The following MPZL3 variants were observed in gnomAD, a reference collection of about 807,000 sequenced individuals.
MPZL3 encodes the protein myelin protein zero like 3.
In MPZL3, 23 loss-of-function variants were observed where a neutral mutation model predicts 24.8. The observed-to-expected ratio is 0.93, with a 90% CI of 0.67 to 1.31. The LOEUF (loss-of-function observed/expected upper bound fraction) is 1.31, where lower values mean the gene tolerates loss of function less well. Among genes scored for constraint, MPZL3 ranks in the 40% most tolerant of loss-of-function variants. MPZL3 has a pLI of 0.00. For synonymous variants in MPZL3, 99 were observed against 106.5 expected, an observed-to-expected ratio of 0.93 and a Z score of 0.44; for missense variants, 277 against 294.9, an observed-to-expected ratio of 0.94 and a Z score of 0.44.
At chr11:118,232,461 G>A (rs991860525) in intron 5 of MPZL3, among the ~76,000 whole-genome samples, 1 of 151,690 alleles carries the variant, frequency 6.6e-6, no homozygotes, top group Non-Finnish European at 1.5e-5. Flanking sequence ...AAGTTTTCCA[G>A]GCAAAGAACA....
In MPZL3 at chr11:118,240,326, C is replaced by A. The variant is rs144095475; in HGVS notation, c.125G>T (p.Gly42Val). 2 of 1,608,496 alleles carry A rather than the reference C, an allele frequency of 1.2e-6. No individual in the cohort carries two copies. Among genetic ancestry groups the A allele is most frequent in the Non-Finnish European group, 8.5e-7 (1 of 1,178,204 alleles). ...LEIRADAHVRGYVGEKIKLKC... is the reference protein window; with the variant it reads ...LEIRADAHVRVYVGEKIKLKC... Reference sequence around the variant, plus strand: ...CAACTTGATCTTTTCTCCAACATAACCTCGGACATGGGCATCTGCACGAAT... The same window carrying A: ...CAACTTGATCTTTTCTCCAACATAAACTCGGACATGGGCATCTGCACGAAT... The change falls in exon 2 of 6, where the codon GGT (glycine) becomes GTT (valine). Residue 42 changes from glycine to valine, a missense_variant. Transcript: ENST00000278949.
rs1211288640 is a variant in MPZL3 at position 118,228,017 on chromosome 11, A to G, written c.*1877T>C. 2.0e-5 allele frequency: 3 copies of G among 152,174 alleles called. No individual in the cohort carries two copies. Among genetic ancestry groups the G allele is most frequent in the African/African-American group, 7.2e-5 (3 of 41,428 alleles). The allele number at this position is 152,174 out of a possible 1,614,324, so 9.4% of individuals were successfully genotyped here. A position where few individuals can be genotyped will look rare whatever the true frequency, so the allele number is the denominator to read the frequency against. ...TTGGCCTCAGACAACCACAAAAGTT[A>G]ACAAGCAGTCCCAAAGTACCGTGAG... On this transcript the variant is annotated 3_prime_UTR_variant, in exon 6 of 6. Coordinates refer to ENST00000278949, the MANE Select transcript of MPZL3 (RefSeq NM_198275.3).
chr11:118,243,771 CAAA>C (rs1226572066), intron 1 of MPZL3, among the ~76,000 whole-genome samples: 1 of 116,842 alleles, frequency 8.6e-6, no homozygotes, highest in African/African-American at 3.2e-5. Flanking sequence ...GACTCTGTCT[CAAA>C]AAAAAAAAAA....
intron 2 of MPZL3, 92 bp from the exon 3 acceptor site, chr11:118,237,352 T>G: frequency 1.7e-6 from 2 of 1,154,016 alleles, no homozygotes; most frequent in East Asian, 2.4e-5. Context: ...TACAACTGTA[T>G]AATGGTGTGT....
At chr11:118,235,329 C>A (rs568701564) in intron 4 of MPZL3, 95 bp downstream of exon 4, 1 of 1,414,202 alleles carries the variant, frequency 7.1e-7, no homozygotes, top group South Asian at 1.5e-5. Flanking sequence ...CAGAACTAAA[C>A]TCGGTCCAGA....
At chr11:118,252,184 C>A in intron 1 of MPZL3, 38 bp downstream of exon 1, 1 of 1,610,206 alleles carries the variant, frequency 6.2e-7, no homozygotes, top group South Asian at 1.1e-5. Context: ...CCCTAACCCC[C>A]CGGCCGGAAG....
intron 4 of MPZL3, 139 bp downstream of exon 4, chr11:118,235,285 C>T: frequency 9.4e-7 from 1 of 1,064,092 alleles, no homozygotes; most frequent in Non-Finnish European, 1.3e-6. Flanking sequence ...CGCCCCTTAG[C>T]AGAACTATTC....
rs1183875738 is a variant in MPZL3, at chr11:118,235,522, C to G, written c.519G>C (p.Val173=). 1.2e-6 allele frequency: 2 copies of G among 1,613,976 alleles called. No homozygotes were observed. The highest frequency in any genetic ancestry group is 1.1e-5 in the South Asian group (1 of 91,064). Residue 173 remains valine (V), a synonymous_variant, in exon 4 of 6, where the codon GTG becomes GTC. Coordinates refer to ENST00000278949, the MANE Select transcript of MPZL3 (RefSeq NM_198275.3). The part of the protein sequence containing the change: ...SILVFVPSAV[V]VALLLVRMGR... ...CCATTCTCACCAGCAGCAGAGCAAC[C>G]ACCACGGCTGAGGGCACAAAGACAA... is the stretch of plus-strand genomic sequence containing the variant.
intron 5 of MPZL3, among the ~76,000 whole-genome samples, chr11:118,232,372 A>C (rs996216759): frequency 1.3e-4 from 20 of 151,394 alleles, no homozygotes; most frequent in Admixed American, 1.3e-3. Flanking sequence ...GTACCATCTC[A>C]TATACTATAT....
chr11:118,244,847 C>A (rs911634667), intron 1 of MPZL3, among the ~76,000 whole-genome samples: 6 of 152,120 alleles, frequency 3.9e-5, no homozygotes, highest in African/African-American at 1.4e-4. Flanking sequence ...GAGGCCGAGG[C>A]GGGTGGATCA....
chr11:118,242,699 C>T (rs1169125868), intron 1 of MPZL3, among the ~76,000 whole-genome samples: 1 of 152,246 alleles, frequency 6.6e-6, no homozygotes, highest in Non-Finnish European at 1.5e-5. Flanking sequence ...CATTCACACA[C>T]CTTCAAATTC....
rs749664619 is a variant in MPZL3, at chr11:118,237,312, A to G, written c.241-52T>C. ...AGGTTAACTTGGAAAATGCAATGAAAATATAAAGCTCAGTAGGTCCAAAAT... is the reference window on the plus strand; with the variant it reads ...AGGTTAACTTGGAAAATGCAATGAAGATATAAAGCTCAGTAGGTCCAAAAT... On this transcript the variant is annotated intron_variant, in intron 2 of 5. Transcript: ENST00000278949. The G allele has an allele frequency of 1.1e-5, 17 of 1,524,660 alleles. No individual in the cohort carries two copies. In the South Asian group the frequency reaches 1.9e-4, roughly 17 times the overall value. The allele number at this position is 1,524,660 out of a possible 1,614,324, so 94.4% of individuals were successfully genotyped here.
chr11:118,250,619 C>T (rs1949609111), intron 1 of MPZL3, among the ~76,000 whole-genome samples: 1 of 152,006 alleles, frequency 6.6e-6, no homozygotes, highest in Non-Finnish European at 1.5e-5. Flanking sequence ...TCTCTCTTGT[C>T]GCCCAGGCTA....
intron 1 of MPZL3, among the ~76,000 whole-genome samples, chr11:118,246,213 A>T (rs1949554713): frequency 6.6e-6 from 1 of 152,218 alleles, no homozygotes; most frequent in Non-Finnish European, 1.5e-5. Context: ...GTCATTCAAC[A>T]TGTTTTCCTT....
chr11:118,241,773 G>A (rs756898640), intron 1 of MPZL3, among the ~76,000 whole-genome samples: 102 of 152,248 alleles, frequency 6.7e-4, no homozygotes, highest in Non-Finnish European at 1.4e-3. Flanking sequence ...AATCCAGTCT[G>A]TTGACATTCC....
rs531086297 is a variant in MPZL3, at chr11:118,230,167, C to T, written c.682-247G>A. Among the ~76,000 whole-genome samples the T allele has an allele frequency of 7.9e-5, 12 of 152,206 alleles. No homozygotes were observed. The East Asian group carries it at 1.2e-3, about 15-fold the overall frequency. On this transcript the variant is annotated intron_variant, in intron 5 of 5. Coordinates refer to ENST00000278949, the MANE Select transcript of MPZL3 (RefSeq NM_198275.3). ...TCCCTTGGTGAATATTTTTTAGAAC[C>T]TCAACACACAAGAAAAGATGCCCGC...
chr11:118,237,043 A>G lies in MPZL3; in HGVS notation c.451+7T>C, dbSNP rs1170878566. On this transcript the variant is annotated splice_region_variant and intron_variant, in intron 3 of 5. Transcript: ENST00000278949. ...CTGCAGAAGAAGGTTGGTGGCAATGAGCTTACCCCTTTCTGTGACTGTTAG... is the reference window on the plus strand; with the variant it reads ...CTGCAGAAGAAGGTTGGTGGCAATGGGCTTACCCCTTTCTGTGACTGTTAG... The G allele has an allele frequency of 6.2e-7, 1 of 1,613,052 alleles. No homozygotes were observed. The highest frequency in any genetic ancestry group is 8.5e-7 in the Non-Finnish European group (1 of 1,179,080).
At position 118,235,518 on chromosome 11, in the gene MPZL3, C is replaced by T. The variant is rs1036754591; in HGVS notation, c.523G>A (p.Ala175Thr). The change falls in exon 4 of 6, where the codon GCT becomes ACT. Residue 175 changes from alanine (A) to threonine (T), a missense_variant. Coordinates refer to ENST00000278949, the MANE Select transcript of MPZL3 (RefSeq NM_198275.3). ...LVFVPSAVVV[A>T]LLLVRMGRKA... is the part of the protein sequence containing the mutation. Reference sequence around the variant, plus strand: ...CTCCCCATTCTCACCAGCAGCAGAGCAACCACCACGGCTGAGGGCACAAAG... The same window carrying T: ...CTCCCCATTCTCACCAGCAGCAGAGTAACCACCACGGCTGAGGGCACAAAG... The T allele has an allele frequency of 6.2e-7, 1 of 1,614,028 alleles. No individual in the cohort carries two copies. The highest frequency in any genetic ancestry group is 8.5e-7 in the Non-Finnish European group (1 of 1,179,948).
At chr11:118,250,148 C>T (rs1804621702) in intron 1 of MPZL3, among the ~76,000 whole-genome samples, 2 of 148,056 alleles carry the variant, frequency 1.4e-5, no homozygotes, top group South Asian at 2.1e-4. Context: ...ATAACAGGGG[C>T]ATGTCACCAC....
Sources: gnomAD v4.1 joint callset for allele counts (sites outside exome capture counted in the v4.1 genomes callset) on GRCh38, gnomAD v4.1.1 for gene constraint, MANE v1.5 for transcripts, NCBI Gene and HGNC (gene_info 2026-07-23, HGNC 2026-07-21) for gene names.